The following RPH3AL variants were observed in gnomAD, a reference collection of about 807,000 sequenced individuals.
RPH3AL encodes the protein rab effector Noc2.
In RPH3AL, 38 loss-of-function variants were observed where a neutral mutation model predicts 43.1. That is an observed-to-expected ratio of 0.88 (90% CI 0.68 to 1.15). RPH3AL has a LOEUF of 1.15. RPH3AL is among the 50% of genes most tolerant of loss of function. The probability of loss-of-function intolerance (pLI) is 0.00; values close to 1 mark genes in which losing one functional copy is unlikely to be tolerated. For missense variants in RPH3AL, 462 were observed against 423.2 expected, an observed-to-expected ratio of 1.09 and a Z score of -0.81; for synonymous variants, 189 against 176.3, an observed-to-expected ratio of 1.07 and a Z score of -0.57.
At chr17:338,778 T>C (rs931465553) in intron 1 of RPH3AL, 5 of 152,214 alleles carry the variant, frequency 3.3e-5, no homozygotes, top group Non-Finnish European at 5.9e-5. Context: ...GGCTCCCACC[T>C]GGGAACTGCT....
At chr17:316,345 T>C (rs1276041932) in intron 5 of RPH3AL, among the ~76,000 whole-genome samples, 5 of 135,340 alleles carry the variant, frequency 3.7e-5, no homozygotes, top group African/African-American at 8.4e-5. Flanking sequence ...CACTGACCTG[T>C]AGTCTCTGTG....
intron 5 of RPH3AL, among the ~76,000 whole-genome samples, chr17:291,552 A>G (rs2043049127): frequency 6.6e-6 from 1 of 152,208 alleles, no homozygotes; most frequent in African/African-American, 2.4e-5. Context: ...TAGGATAAGA[A>G]ATAGCTACGT....
intron 7 of RPH3AL, among the ~76,000 whole-genome samples, chr17:229,508 G>T (rs1447981290): frequency 6.6e-6 from 1 of 152,222 alleles, no homozygotes; most frequent in Non-Finnish European, 1.5e-5. Flanking sequence ...CCAAAGAGCT[G>T]GGGTTTCCCC....
intron 1 of RPH3AL, chr17:339,164 G>A (rs1022172499): frequency 6.6e-6 from 1 of 152,312 alleles, no homozygotes; most frequent in Non-Finnish European, 1.5e-5. Context: ...GCGTTTCTCT[G>A]TTGCAACTCC....
chr17:242,834 C>T (rs1163697430), intron 7 of RPH3AL, among the ~76,000 whole-genome samples: 2 of 136,494 alleles, frequency 1.5e-5, no homozygotes. Flanking sequence ...ATTGATTACC[C>T]TTCCTCTATT....
intron 1 of RPH3AL, among the ~76,000 whole-genome samples, chr17:350,273 T>C (rs1029194457): frequency 6.6e-5 from 10 of 152,094 alleles, no homozygotes; most frequent in African/African-American, 2.4e-4. Context: ...GATCACAACA[T>C]TGAGACCAGC....
At position 274,161 on chromosome 17, in the gene RPH3AL, G is replaced by A. The variant is rs922248483; in HGVS notation, c.438+7607C>T. The stretch of plus-strand genomic sequence containing the variant: ...TTGCAACATCCTGTGCTTAGAAGCC[G>A]CCAGGGCCGTTCCTCCCAGCCCCAA... On this transcript the variant is annotated intron_variant, in intron 6 of 9. Transcript: ENST00000331302. This position sits in a 1 kb window ranked among gnomAD's most constrained non-coding sequence, Gnocchi z 4.7. Among the ~76,000 whole-genome samples the A allele has an allele frequency of 9.8e-5, 15 of 152,330 alleles. No individual in the cohort carries two copies. Among genetic ancestry groups the A allele is most frequent in the African/African-American group, 2.2e-4 (9 of 41,570 alleles).
At chr17:339,070 C>G (rs546953629) in intron 1 of RPH3AL, 1 of 152,558 alleles carries the variant, frequency 6.6e-6, no homozygotes, top group South Asian at 2.1e-4. Flanking sequence ...TTGCTTACAG[C>G]CAGCAGCCAA....
intron 2 of RPH3AL, chr17:332,140 G>A (rs11150875): frequency 0.32 from 107,039 of 339,724 alleles, 18,848 homozygotes; most frequent in Admixed American, 0.49. Context: ...TCTGCGGGGA[G>A]CAGACACAGG....
At chr17:240,584 A>C (rs1447903270) in intron 7 of RPH3AL, among the ~76,000 whole-genome samples, 1 of 152,108 alleles carries the variant, frequency 6.6e-6, no homozygotes, top group African/African-American at 2.4e-5. Context: ...TCCACTTCGC[A>C]TGGTGTTTTC....
chr17:309,073 G>A (rs1209264838), intron 5 of RPH3AL, among the ~76,000 whole-genome samples: 1 of 152,216 alleles, frequency 6.6e-6, no homozygotes, highest in African/African-American at 2.4e-5. Flanking sequence ...CGAGGCAGGA[G>A]GATCATTTGA....
chr17:329,918 T>C (rs1407772809), intron 2 of RPH3AL, among the ~76,000 whole-genome samples: 1 of 152,248 alleles, frequency 6.6e-6, no homozygotes, highest in Non-Finnish European at 1.5e-5. Context: ...GGTAATTTCT[T>C]AAAGATTAGT....
chr17:339,925 C>T (rs867695132), intron 1 of RPH3AL, among the ~76,000 whole-genome samples: 5 of 152,084 alleles, frequency 3.3e-5, no homozygotes, highest in African/African-American at 9.7e-5. Flanking sequence ...GGCTGTTTCC[C>T]GGAGCAGGCA....
In RPH3AL at chr17:246,966, C is replaced by T; in HGVS notation, c.613+145G>A. On this transcript the variant is annotated intron_variant, in intron 7 of 9. Transcript: ENST00000331302. The surrounding 1 kb of genome is among the most constrained non-coding windows in gnomAD (Gnocchi z 4.8). ...TGCTCACTCGGGAGAAGGTGTGGAG[C>T]TGAGGGCACAGGGAGGGACGCATCA... is the stretch of plus-strand genomic sequence containing the variant. 1.2e-6 allele frequency: 1 copy of T among 863,038 alleles called. No homozygotes were observed. Among genetic ancestry groups the T allele is most frequent in the Non-Finnish European group, 1.9e-6 (1 of 531,770 alleles). 53.5% of individuals were successfully genotyped at this position (863,038 alleles called of 1,614,324 possible). A position where few individuals can be genotyped will look rare whatever the true frequency, so the allele number is the denominator to read the frequency against.
In RPH3AL at chr17:215,180, G is replaced by A. The variant is rs2040766523; in HGVS notation, c.876+474C>T. 1.3e-5 allele frequency among the ~76,000 whole-genome samples: 2 copies of A among 152,160 alleles called. No homozygotes were observed. Among genetic ancestry groups the A allele is most frequent in the South Asian group, 4.1e-4 (2 of 4,830 alleles). On this transcript the variant is annotated intron_variant, in intron 9 of 9. Coordinates refer to ENST00000331302, the MANE Select transcript of RPH3AL (RefSeq NM_006987.4). This position sits in a 1 kb window ranked among gnomAD's most constrained non-coding sequence, Gnocchi z 4.1. ...ATCCTGCACCTGCGCAGTTTTCTCT[G>A]GCTTCAGTTTAAGGAGAACCCTCAC... is the stretch of plus-strand genomic sequence containing the variant.
intron 5 of RPH3AL, among the ~76,000 whole-genome samples, chr17:311,861 T>C (rs774681055): frequency 6.6e-6 from 1 of 152,194 alleles, no homozygotes; most frequent in African/African-American, 2.4e-5. Flanking sequence ...GTGGGTGCTA[T>C]GGACTGAACT....
intron 5 of RPH3AL, among the ~76,000 whole-genome samples, chr17:284,350 G>A (rs1454814472): frequency 6.6e-6 from 1 of 152,146 alleles, no homozygotes; most frequent in East Asian, 1.9e-4. Flanking sequence ...ACCTCAGGAG[G>A]GTCGGTCACA....
At chr17:271,129 G>A (rs1314089812) in intron 6 of RPH3AL, among the ~76,000 whole-genome samples, 3 of 152,080 alleles carry the variant, frequency 2.0e-5, no homozygotes, top group Admixed American at 6.5e-5. Context: ...TGTTCCATTG[G>A]TCTATATCTC....
At chr17:324,259 T>C (rs1196398988) in intron 3 of RPH3AL, among the ~76,000 whole-genome samples, 1 of 152,114 alleles carries the variant, frequency 6.6e-6, no homozygotes, top group Non-Finnish European at 1.5e-5. Flanking sequence ...CAGGGCCGCC[T>C]CCGCACCCAC....
Sources: gnomAD v4.1 joint callset for allele counts (sites outside exome capture counted in the v4.1 genomes callset) on GRCh38, gnomAD v4.1.1 for gene constraint, Gnocchi (gnomAD v3.1) non-coding constraint, MANE v1.5 for transcripts, NCBI Gene and HGNC (gene_info 2026-07-23, HGNC 2026-07-21) for gene names.